The following CACNA1B variants were observed in gnomAD, a reference collection of about 807,000 sequenced individuals.
CACNA1B encodes voltage-dependent N-type calcium channel subunit alpha-1B.
In CACNA1B, 70 loss-of-function variants were observed where a neutral mutation model predicts 247.2. That is an observed-to-expected ratio of 0.28 (90% CI 0.23 to 0.35). The LOEUF (loss-of-function observed/expected upper bound fraction) is 0.35, where lower values mean the gene tolerates loss of function less well. CACNA1B is among the 10% of genes least tolerant of loss of function. The pLI is 1.00. For missense variants in CACNA1B, 2,367 were observed against 3,197.4 expected, an observed-to-expected ratio of 0.74 and a Z score of 6.26; for synonymous variants, 1,231 against 1,294.4, an observed-to-expected ratio of 0.95 and a Z score of 1.05.
In CACNA1B at chr9:137,957,884, G is replaced by A. The variant is rs1957968832; in HGVS notation, c.1333+197G>A. ...GGGCCCTTAGCCATATCCCAAGGCTGGAGGACTCTATAGGGCCACCTCTCT... is the reference window on the plus strand; with the variant it reads ...GGGCCCTTAGCCATATCCCAAGGCTAGAGGACTCTATAGGGCCACCTCTCT... On this transcript the variant is annotated intron_variant, in intron 10 of 46. Transcript: ENST00000371372. The surrounding 1 kb of genome is among the most constrained non-coding windows in gnomAD (Gnocchi z 4.7). Among the ~76,000 whole-genome samples, 1 of 152,206 alleles carries A rather than the reference G, an allele frequency of 6.6e-6. No homozygotes were observed. The highest frequency in any genetic ancestry group is 2.4e-5 in the African/African-American group (1 of 41,442).
chr9:137,902,371 C>A (rs1957249610), intron 3 of CACNA1B, among the ~76,000 whole-genome samples: 1 of 152,202 alleles, frequency 6.6e-6, no homozygotes, highest in Non-Finnish European at 1.5e-5. Context: ...CTCTCCAAGG[C>A]AGCTGTTGCC....
At chr9:138,112,363 G>C (rs775927594) in intron 39 of CACNA1B, 35 bp from the exon 40 acceptor site, 2 of 1,518,058 alleles carry the variant, frequency 1.3e-6, no homozygotes, top group Admixed American at 3.3e-5. Flanking sequence ...TAACATCTCT[G>C]TCTTTTCCCC....
At chr9:138,063,109 T>G (rs1959788249) in intron 31 of CACNA1B, among the ~76,000 whole-genome samples, 1 of 152,244 alleles carries the variant, frequency 6.6e-6, no homozygotes, top group African/African-American at 2.4e-5. Flanking sequence ...CATAACATCA[T>G]CAGTGTGGTG....
At chr9:138,078,474 C>T (rs753865908) in intron 36 of CACNA1B, among the ~76,000 whole-genome samples, 12 of 152,348 alleles carry the variant, frequency 7.9e-5, no homozygotes, top group East Asian at 1.9e-4. Flanking sequence ...CCTTGACATC[C>T]GTGGAAAAGG....
rs774065520 is a variant in CACNA1B, at chr9:138,050,315, CT to C, written c.3710+1001del. Among the ~76,000 whole-genome samples the C allele has an allele frequency of 1.3e-5, 2 of 152,184 alleles. No individual in the cohort carries two copies. Among genetic ancestry groups the C allele is most frequent in the African/African-American group, 4.8e-5 (2 of 41,452 alleles). On this transcript the variant is annotated intron_variant, in intron 24 of 46. Coordinates refer to ENST00000371372, the MANE Select transcript of CACNA1B (RefSeq NM_000718.4). This position sits in a 1 kb window ranked among gnomAD's most constrained non-coding sequence, Gnocchi z 5.2. ...TGGTCAGCCCTTGGTGAGGAGCTTG[CT>C]GGTGAGCAGGCTGTCACCAGCGAGG... is the stretch of plus-strand genomic sequence containing the variant.
intron 3 of CACNA1B, among the ~76,000 whole-genome samples, chr9:137,894,630 G>A (rs1036062818): frequency 1.3e-5 from 2 of 152,024 alleles, no homozygotes; most frequent in South Asian, 2.1e-4. Context: ...GGATGATCTC[G>A]ATCTCCTGAC....
chr9:138,028,316 C>T (rs1343854694), intron 20 of CACNA1B, among the ~76,000 whole-genome samples: 1 of 152,120 alleles, frequency 6.6e-6, no homozygotes, highest in East Asian at 1.9e-4. Context: ...AGCCACCGTG[C>T]CTGGCCCCAT....
chr9:138,078,094 A>C lies in CACNA1B; in HGVS notation c.4950-20A>C. 1 of 1,611,808 alleles carries C rather than the reference A, an allele frequency of 6.2e-7. No homozygotes were observed. The highest frequency in any genetic ancestry group is 1.7e-5 in the Admixed American group (1 of 59,942). ...CCTCAAGGGCCTCTGTGGGCCTCACAACTCTGCCCTTCTTCTCAGGAGCGC... is the reference window on the plus strand; with the variant it reads ...CCTCAAGGGCCTCTGTGGGCCTCACCACTCTGCCCTTCTTCTCAGGAGCGC... On this transcript the variant is annotated intron_variant, in intron 35 of 46. Transcript: ENST00000371372.
intron 3 of CACNA1B, among the ~76,000 whole-genome samples, chr9:137,892,922 C>T (rs1475270538): frequency 3.3e-5 from 5 of 152,178 alleles, no homozygotes; most frequent in Admixed American, 6.5e-5. Context: ...ATCAGAGGTG[C>T]GTGGGCTCCC....
intron 3 of CACNA1B, chr9:137,892,182 C>T (rs1957111093): frequency 2.2e-6 from 1 of 456,722 alleles, no homozygotes; most frequent in South Asian, 1.5e-5. Context: ...CACTGGTCTG[C>T]TGGGGAGGCT....
Position 137,923,397 on chromosome 9 carries a change from G to A in CACNA1B, c.966+5966G>A, listed in dbSNP as rs112442025. Among the ~76,000 whole-genome samples the A allele has an allele frequency of 4.1e-3, 604 of 147,564 alleles. 16 individuals carry two copies. The highest frequency in any genetic ancestry group is 0.015 in the African/African-American group (579 of 39,170). Reference sequence around the variant, plus strand: ...ATTCCGTGGCACCAGGTGGTATTCCGTGGTGCCAGGTAGTATTCCATGGCT... The same window carrying A: ...ATTCCGTGGCACCAGGTGGTATTCCATGGTGCCAGGTAGTATTCCATGGCT... On this transcript the variant is annotated intron_variant, in intron 6 of 46. Coordinates refer to ENST00000371372, the MANE Select transcript of CACNA1B (RefSeq NM_000718.4).
rs1042526015 is a variant in CACNA1B, at chr9:137,903,158, C to T, written c.531-10022C>T. Among the ~76,000 whole-genome samples, 52 of 152,136 alleles carry T rather than the reference C, an allele frequency of 3.4e-4. No homozygotes were observed. The East Asian group carries it at 7.9e-3, about 23-fold the overall frequency. On this transcript the variant is annotated intron_variant, in intron 3 of 46. Coordinates refer to ENST00000371372, the MANE Select transcript of CACNA1B (RefSeq NM_000718.4). ...CAGCACTTTGGGAGGCTGAGGCGGG[C>T]GGATCACGGGGTCAAGAGATCGAGA...
At chr9:138,085,402 C>T (rs1179490963) in intron 36 of CACNA1B, among the ~76,000 whole-genome samples, 2 of 150,412 alleles carry the variant, frequency 1.3e-5, no homozygotes, top group Non-Finnish European at 2.9e-5. Context: ...CATGATTAAG[C>T]AAAAAAATAT....
At chr9:137,946,885 G>A (rs955699061) in intron 6 of CACNA1B, among the ~76,000 whole-genome samples, 3 of 152,042 alleles carry the variant, frequency 2.0e-5, no homozygotes, top group East Asian at 3.8e-4. Flanking sequence ...ATACGTTACC[G>A]GGGGGGTCTT....
rs896144053 is a variant in CACNA1B, at chr9:138,023,461, C to G, written c.2718C>G (p.Arg906=). 1.4e-4 allele frequency: 173 copies of G among 1,200,412 alleles called. No homozygotes were observed. Among genetic ancestry groups the G allele is most frequent in the Non-Finnish European group, 1.7e-4 (162 of 969,544 alleles). The allele number at this position is 1,200,412 out of a possible 1,614,324, so 74.4% of individuals were successfully genotyped here. ...AAGPPEARSE[R]GRGPGPEGGR... is the part of the protein sequence containing the mutation. ...GGCCCCCGGAGGCGCGGAGCGAGCG[C>G]GGCCGAGGCCCAGGCCCCGAGGGCG... The change falls in exon 19 of 47, where the codon CGC becomes CGG. Residue 906 remains arginine, a synonymous_variant. Transcript: ENST00000371372.
chr9:137,918,773 G>C (rs1957445965), intron 6 of CACNA1B, among the ~76,000 whole-genome samples: 1 of 152,196 alleles, frequency 6.6e-6, no homozygotes, highest in Admixed American at 6.5e-5. Context: ...CGTTTATCAA[G>C]CTTCTTGAAC....
intron 36 of CACNA1B, among the ~76,000 whole-genome samples, chr9:138,091,761 A>G (rs188323785): frequency 7.5e-4 from 115 of 152,374 alleles, no homozygotes; most frequent in Admixed American, 2.0e-3. Flanking sequence ...GAATTTAAAA[A>G]AAGGAACTGA....
intron 3 of CACNA1B, among the ~76,000 whole-genome samples, chr9:137,906,095 C>T (rs1042786470): frequency 2.0e-5 from 3 of 152,166 alleles, no homozygotes; most frequent in African/African-American, 4.8e-5. Context: ...ACCACTGGAG[C>T]GGATTTTGTG....
Position 137,881,767 on chromosome 9 carries a change from C to T in CACNA1B, c.391-977C>T, listed in dbSNP as rs1956925343. 6.6e-6 allele frequency among the ~76,000 whole-genome samples: 1 copy of T among 152,256 alleles called. No homozygotes were observed. The highest frequency in any genetic ancestry group is 2.4e-5 in the African/African-American group (1 of 41,470). On this transcript the variant is annotated intron_variant, in intron 2 of 46. Transcript: ENST00000371372. This position sits in a 1 kb window ranked among gnomAD's most constrained non-coding sequence, Gnocchi z 4.3. ...CCCATCTCCACCCTGTTTGCTGCTT[C>T]CAGCTCGGCACTGGTAGGGCCTGGC...
Sources: gnomAD v4.1 joint callset for allele counts (sites outside exome capture counted in the v4.1 genomes callset) on GRCh38, gnomAD v4.1.1 for gene constraint, Gnocchi (gnomAD v3.1) non-coding constraint, MANE v1.5 for transcripts, NCBI Gene and HGNC (gene_info 2026-07-23, HGNC 2026-07-21) for gene names.